DGKB: variants seen among roughly 807,000 people sequenced by gnomAD.
DGKB encodes diacylglycerol kinase beta.
In DGKB, 67 loss-of-function variants were observed where a neutral mutation model predicts 114.3. That is an observed-to-expected ratio of 0.59 (90% CI 0.48 to 0.72). DGKB has a LOEUF of 0.72. DGKB is among the 30% of genes least tolerant of loss of function. DGKB has a pLI of 0.00. For synonymous variants in DGKB, 398 were observed against 323.1 expected, an observed-to-expected ratio of 1.23 and a Z score of -2.49; for missense variants, 907 against 975.2, an observed-to-expected ratio of 0.93 and a Z score of 0.93.
At chr7:14,227,223 C>CA (rs1379885465) in intron 23 of DGKB, among the ~76,000 whole-genome samples, 11 of 152,112 alleles carry the variant, frequency 7.2e-5, no homozygotes, top group South Asian at 2.1e-4. Context: ...AACTTTTGTT[C>CA]AAAAAATTTC....
intron 23 of DGKB, among the ~76,000 whole-genome samples, chr7:14,298,418 T>A (rs1201020124): frequency 6.6e-6 from 1 of 152,178 alleles, no homozygotes; most frequent in Non-Finnish European, 1.5e-5. Flanking sequence ...TATAACCATC[T>A]GATGTTTGAC....
chr7:14,195,213 G>T (rs538278812), intron 23 of DGKB, among the ~76,000 whole-genome samples: 1 of 152,276 alleles, frequency 6.6e-6, no homozygotes, highest in East Asian at 1.9e-4. Context: ...TGAGCCGTTA[G>T]TGTGTGTGGG....
intron 1 of DGKB, among the ~76,000 whole-genome samples, chr7:14,892,998 A>C (rs115422868): frequency 0.02 from 3,099 of 151,186 alleles, 102 homozygotes; most frequent in African/African-American, 0.07. Context: ...GTATATATGT[A>C]TATATGTGTA....
At position 14,863,895 on chromosome 7, in the gene DGKB, T is replaced by A. The variant is rs529511632; in HGVS notation, c.-187-22445A>T. Among the ~76,000 whole-genome samples the A allele has an allele frequency of 2.0e-5, 3 of 151,884 alleles. No homozygotes were observed. The East Asian group carries it at 5.8e-4, about 29-fold the overall frequency. The stretch of plus-strand genomic sequence containing the variant: ...AGGGTGGATCATGTGAGGTCAGGAG[T>A]TCGAGACCAGCCTGACCAACATGGA... On this transcript the variant is annotated intron_variant, in intron 1 of 25. Coordinates refer to ENST00000402815, the MANE Select transcript of DGKB (RefSeq NM_001350709.2).
At chr7:14,956,237 G>T (rs1384692617) in intron 1 of DGKB, among the ~76,000 whole-genome samples, 3 of 151,806 alleles carry the variant, frequency 2.0e-5, no homozygotes, top group African/African-American at 7.3e-5. Context: ...CACACATTTT[G>T]ATAATTTCAA....
intron 2 of DGKB, among the ~76,000 whole-genome samples, chr7:14,835,425 C>T (rs558561148): frequency 6.6e-6 from 1 of 152,310 alleles, no homozygotes; most frequent in East Asian, 1.9e-4. Flanking sequence ...CATCACAGCA[C>T]TAGCCTTCAA....
chr7:14,225,266 C>T (rs773963464), intron 23 of DGKB, among the ~76,000 whole-genome samples: 12 of 152,024 alleles, frequency 7.9e-5, no homozygotes, highest in Non-Finnish European at 1.3e-4. Context: ...GACAATAGTA[C>T]AGTCTTTCTG....
At chr7:14,244,131 A>T (rs1177839061) in intron 23 of DGKB, among the ~76,000 whole-genome samples, 1 of 152,098 alleles carries the variant, frequency 6.6e-6, no homozygotes, top group Admixed American at 6.6e-5. Context: ...TGACAGAGTG[A>T]TTAGGGAAGA....
chr7:14,355,550 C>A (rs1279782170), intron 21 of DGKB, among the ~76,000 whole-genome samples: 2 of 152,066 alleles, frequency 1.3e-5, no homozygotes. Flanking sequence ...TGGTTTTTGT[C>A]GTTGGTTCTG....
chr7:14,566,939 A>T (rs1263973218), intron 20 of DGKB, among the ~76,000 whole-genome samples: 4 of 150,470 alleles, frequency 2.7e-5, no homozygotes, highest in Non-Finnish European at 5.9e-5. Flanking sequence ...CCTTCATGGT[A>T]GCTTTTGTTT....
At chr7:14,379,929 C>T (rs1478288070) in intron 21 of DGKB, among the ~76,000 whole-genome samples, 1 of 146,700 alleles carries the variant, frequency 6.8e-6, no homozygotes, top group African/African-American at 2.5e-5. Flanking sequence ...CGAGCGGGCC[C>T]GGCCTTAAGC....
At chr7:14,570,088 C>T (rs1375986395) in intron 20 of DGKB, among the ~76,000 whole-genome samples, 3 of 150,594 alleles carry the variant, frequency 2.0e-5, no homozygotes, top group African/African-American at 7.3e-5. Context: ...TATATTTTTT[C>T]AATTGGAATA....
chr7:14,262,382 G>C (rs886691414), intron 23 of DGKB, among the ~76,000 whole-genome samples: 1 of 152,126 alleles, frequency 6.6e-6, no homozygotes, highest in Non-Finnish European at 1.5e-5. Flanking sequence ...TTTTATAAGA[G>C]ACACCCAGGG....
At chr7:14,516,250 A>G (rs1277464257) in intron 20 of DGKB, among the ~76,000 whole-genome samples, 2 of 151,302 alleles carry the variant, frequency 1.3e-5, no homozygotes, top group Middle Eastern at 3.2e-3. Context: ...AAATGAAACA[A>G]AAAAGTAAAC....
chr7:14,159,036 G>C (rs1401679108), intron 25 of DGKB, among the ~76,000 whole-genome samples: 1 of 151,984 alleles, frequency 6.6e-6, no homozygotes, highest in African/African-American at 2.4e-5. Context: ...TCCCCACCTA[G>C]AATGATCTTG....
At chr7:14,570,012 G>A (rs1798138360) in intron 20 of DGKB, among the ~76,000 whole-genome samples, 1 of 150,924 alleles carries the variant, frequency 6.6e-6, no homozygotes, top group Admixed American at 6.6e-5. Context: ...GAATATTTAA[G>A]TTGATTTTAT....
intron 2 of DGKB, among the ~76,000 whole-genome samples, chr7:14,824,438 G>T (rs891681811): frequency 6.6e-6 from 1 of 152,138 alleles, no homozygotes. Flanking sequence ...AGAAATAAGT[G>T]AGAAGACAGA....
chr7:14,468,584 A>G (rs1334777335), intron 21 of DGKB, among the ~76,000 whole-genome samples: 2 of 149,340 alleles, frequency 1.3e-5, no homozygotes. Flanking sequence ...TCTGTTACAT[A>G]TATATATTGT....
rs367871173 is a variant in DGKB at position 14,399,779 on chromosome 7, C to T, written c.1836-54388G>A. ...AGGGTGTTCTTTGAAAAAGTCATTC[C>T]TCTTGAAGTTCTCAAAAAGAGACAG... On this transcript the variant is annotated intron_variant, in intron 21 of 25. Transcript: ENST00000402815. 1.1e-3 allele frequency among the ~76,000 whole-genome samples: 164 copies of T among 151,850 alleles called. 2 individuals carry two copies. The highest frequency in any genetic ancestry group is 6.2e-3 in the South Asian group (30 of 4,816).
Sources: gnomAD v4.1 joint callset for allele counts (sites outside exome capture counted in the v4.1 genomes callset) on GRCh38, gnomAD v4.1.1 for gene constraint, MANE v1.5 for transcripts, NCBI Gene and HGNC (gene_info 2026-07-23, HGNC 2026-07-21) for gene names.